Variants in CFAP70 observed in about 807,000 individuals in gnomAD.
CFAP70 encodes the protein cilia and flagella associated protein 70, also known as cilia- and flagella-associated protein 70.
CFAP70 carries 81 observed loss-of-function variants against 137.6 expected under a neutral mutation model. The ratio of observed to expected loss-of-function variants is 0.59; its 90% CI spans 0.49 to 0.71. CFAP70 has a LOEUF of 0.71. Among genes scored for constraint, CFAP70 ranks in the 30% least tolerant of loss-of-function variants. The probability of loss-of-function intolerance (pLI) is 0.00; values close to 1 mark genes in which losing one functional copy is unlikely to be tolerated. For missense variants in CFAP70, 976 were observed against 1,226.7 expected, an observed-to-expected ratio of 0.80 and a Z score of 3.05; for synonymous variants, 382 against 423.6, an observed-to-expected ratio of 0.90 and a Z score of 1.20.
chr10:73,358,091 G>A (rs1181240558), intron 1 of CFAP70, among the ~76,000 whole-genome samples: 1 of 152,160 alleles, frequency 6.6e-6, no homozygotes, highest in Non-Finnish European at 1.5e-5. Context: ...TATCCCCTAA[G>A]ATATTAAAGC....
intron 16 of CFAP70, among the ~76,000 whole-genome samples, 180 bp downstream of exon 17, chr10:73,293,083 A>G (rs2048292809): frequency 6.6e-6 from 1 of 152,078 alleles, no homozygotes; most frequent in Non-Finnish European, 1.5e-5. Context: ...TTCTCCATTA[A>G]ATTTCTTTTA....
chr10:73,265,903 AG>A (rs1253830913), intron 25 of CFAP70, among the ~76,000 whole-genome samples: 1 of 151,698 alleles, frequency 6.6e-6, no homozygotes, highest in Admixed American at 6.6e-5. Flanking sequence ...TATTCAACCA[AG>A]TGAATTTTAG....
At chr10:73,317,486 C>A (rs1185331898) in intron 9 of CFAP70, among the ~76,000 whole-genome samples, 1 of 152,048 alleles carries the variant, frequency 6.6e-6, no homozygotes, top group Non-Finnish European at 1.5e-5. Flanking sequence ...CTGTTGCATT[C>A]GTGATGTTCT....
chr10:73,312,046 T>C, intron 10 of CFAP70, 132 bp from the exon 12 acceptor site: 1 of 701,818 alleles, frequency 1.4e-6, no homozygotes, highest in Non-Finnish European at 2.4e-6. Context: ...TTGTGTCCTT[T>C]GCAGGGATGG....
intron 12 of CFAP70, among the ~76,000 whole-genome samples, chr10:73,301,263 G>C (rs1056113828): frequency 2.0e-5 from 3 of 152,168 alleles, no homozygotes; most frequent in Non-Finnish European, 4.4e-5. Flanking sequence ...GTGGGGCCTG[G>C]TGGGAAGTGT....
intron 9 of CFAP70, among the ~76,000 whole-genome samples, chr10:73,316,463 G>GATATATATATATATATAGATATAGATAT (rs200631567): frequency 4.7e-5 from 6 of 128,144 alleles, no homozygotes; most frequent in East Asian, 4.7e-4. Context: ...CCTTTGTTGA[G>GATATATATATATATATAGATATAGATAT]ATATATATAT....
intron 24 of CFAP70, 55 bp downstream of exon 25, chr10:73,272,873 A>G (rs1334526995): frequency 1.9e-5 from 28 of 1,466,630 alleles, no homozygotes; most frequent in Non-Finnish European, 4.7e-6. Flanking sequence ...TGGAAGGCCA[A>G]GGAATCAAGG....
chr10:73,345,089 A>G (rs138329259), exon 5 of CFAP70: 2 of 1,614,116 alleles, frequency 1.2e-6, no homozygotes, highest in East Asian at 4.5e-5. Flanking sequence ...GAACTTGCAG[A>G]CCGACCATGT....
At chr10:73,345,302 G>C in intron 4 of CFAP70, 58 bp from the exon 6 acceptor site, 2 of 1,457,184 alleles carry the variant, frequency 1.4e-6, no homozygotes, top group Non-Finnish European at 1.9e-6. Flanking sequence ...TTCCTTTTTT[G>C]CATTATCTCA....
chr10:73,256,447 A>G, intron 25 of CFAP70, 31 bp from the exon 27 acceptor site: 1 of 1,613,794 alleles, frequency 6.2e-7, no homozygotes, highest in Non-Finnish European at 8.5e-7. Context: ...GGTGATGATG[A>G]CAGGTCATAA....
intron 19 of CFAP70, among the ~76,000 whole-genome samples, chr10:73,282,332 T>G (rs777614967): frequency 4.0e-5 from 6 of 151,778 alleles, no homozygotes; most frequent in Non-Finnish European, 7.4e-5. Context: ...ATGACAGGAT[T>G]CAGAGAAAGG....
intron 26 of CFAP70, chr10:73,254,443 A>G (rs954465311): frequency 1.3e-5 from 2 of 154,160 alleles, no homozygotes; most frequent in African/African-American, 4.8e-5. Context: ...TCATAGGCTT[A>G]TATTAGATCT....
intron 15 of CFAP70, 41 bp from the exon 17 acceptor site, chr10:73,293,429 A>G: frequency 1.3e-6 from 2 of 1,530,998 alleles, no homozygotes; most frequent in East Asian, 2.3e-5. Context: ...AAATGAAACA[A>G]TTACAAGTAG....
intron 16 of CFAP70, 91 bp downstream of exon 17, chr10:73,293,172 C>A (rs985454981): frequency 5.0e-5 from 70 of 1,398,232 alleles, no homozygotes; most frequent in Admixed American, 7.1e-5. Context: ...ACCCTTTCAC[C>A]AATCAAGTTG....
intron 4 of CFAP70, chr10:73,347,091 G>C (rs1408825603): frequency 6.6e-6 from 1 of 152,168 alleles, no homozygotes; most frequent in African/African-American, 2.4e-5. Flanking sequence ...GAACAGTATG[G>C]TATCTTCCAT....
At chr10:73,329,104 T>G (rs1329651867) in intron 8 of CFAP70, among the ~76,000 whole-genome samples, 2 of 152,022 alleles carry the variant, frequency 1.3e-5, no homozygotes, top group Admixed American at 6.6e-5. Flanking sequence ...TGTCCAACAA[T>G]GATAGACTGG....
intron 25 of CFAP70, among the ~76,000 whole-genome samples, chr10:73,267,828 T>A (rs1231452466): frequency 6.6e-6 from 1 of 152,138 alleles, no homozygotes; most frequent in Non-Finnish European, 1.5e-5. Flanking sequence ...TAGAATTCAG[T>A]TCTTTGTGTT....
intron 25 of CFAP70, among the ~76,000 whole-genome samples, chr10:73,257,679 T>C (rs1163867805): frequency 6.6e-6 from 1 of 152,206 alleles, no homozygotes; most frequent in African/African-American, 2.4e-5. Flanking sequence ...GTTCACTGAA[T>C]TGCCAGCAGC....
At chr10:73,342,028 C>T (rs1435027228) in intron 5 of CFAP70, among the ~76,000 whole-genome samples, 2 of 152,114 alleles carry the variant, frequency 1.3e-5, no homozygotes, top group African/African-American at 2.4e-5. Flanking sequence ...GTGCTTATAC[C>T]TGTTTAAAAA....
Sources: gnomAD v4.1 joint callset for allele counts (sites outside exome capture counted in the v4.1 genomes callset) on GRCh38, gnomAD v4.1.1 for gene constraint, MANE v1.5 for transcripts, NCBI Gene and HGNC (gene_info 2026-07-23, HGNC 2026-07-21) for gene names.